NUTM2B: variants seen among roughly 807,000 people sequenced by gnomAD.
The protein encoded by NUTM2B is NUT family member 2B, also known as family with sequence similarity 22, member B.
A neutral mutation model predicts 42.4 loss-of-function variants in NUTM2B; 2 were observed. That is an observed-to-expected ratio of 0.05 (90% confidence interval 0.02 to 0.15). The LOEUF is 0.15. Among genes scored for constraint, NUTM2B ranks in the 10% least tolerant of loss-of-function variants. NUTM2B has a pLI of 1.00. For synonymous variants in NUTM2B, 18 were observed against 402.4 expected (o/e 0.04, Z 11.43); for missense variants, 58 against 952.6 (o/e 0.06, Z 12.36).
the NUTM2B span, among the ~76,000 whole-genome samples, chr10:79,697,603 G>A: frequency 9.4e-3 from 1,425 of 151,950 alleles, 1 homozygote; most frequent in African/African-American, 0.033. Flanking sequence ...TTGCACTGAA[G>A]GCTGGGACTC....
At chr10:79,699,692 C>T (rs1012575830), upstream of NUTM2B, among the ~76,000 whole-genome samples, 4 of 152,190 alleles carry the variant, frequency 2.6e-5, no homozygotes, top group African/African-American at 7.2e-5. Flanking sequence ...ATCCATCTGC[C>T]TCGGCCTCTC....
the NUTM2B span, among the ~76,000 whole-genome samples, chr10:79,698,160 C>T: frequency 5.3e-5 from 6 of 112,822 alleles, no homozygotes; most frequent in African/African-American, 1.7e-4. Context: ...AAAACCCATA[C>T]AATACAAAAA....
upstream of NUTM2B, among the ~76,000 whole-genome samples, chr10:79,700,711 G>C (rs938352925): frequency 1.3e-5 from 2 of 152,082 alleles, no homozygotes; most frequent in African/African-American, 2.4e-5. Flanking sequence ...CTTTGCTCTC[G>C]TGCTGCGCGT....
chr10:79,695,991 C>G, the NUTM2B span, among the ~76,000 whole-genome samples: 2 of 148,440 alleles, frequency 1.3e-5, no homozygotes, highest in East Asian at 4.4e-4. Context: ...AGGAGTAACA[C>G]AGTGATGCAG....
At chr10:79,709,836 T>A in exon 4 of NUTM2B, 1 of 1,020,996 alleles carries the variant, frequency 9.8e-7, no homozygotes, top group Non-Finnish European at 1.3e-6. Context: ...AGATGCAGAT[T>A]CAGAAATCGC....
At chr10:79,692,461 G>T in the NUTM2B span, among the ~76,000 whole-genome samples, 1 of 152,162 alleles carries the variant, frequency 6.6e-6, no homozygotes, top group Admixed American at 6.5e-5. Flanking sequence ...CAGCAGTCTG[G>T]CTCCAGAGCC....
chr10:79,696,527 C>G, the NUTM2B span, among the ~76,000 whole-genome samples: 3 of 151,460 alleles, frequency 2.0e-5, no homozygotes, highest in Admixed American at 6.6e-5. Context: ...GATAGGGTGG[C>G]CATAGCCTCC....
intron 2 of NUTM2B, among the ~76,000 whole-genome samples, 158 bp from the exon 3 acceptor site, chr10:79,708,538 TGGG>T (rs1840430816): frequency 7.3e-6 from 1 of 136,144 alleles, no homozygotes; most frequent in Non-Finnish European, 1.6e-5. Context: ...TGTTTGATCT[TGGG>T]GTTGTGTTCT....
chr10:79,700,900 T>G (rs1178961785), upstream of NUTM2B, among the ~76,000 whole-genome samples: 4 of 152,160 alleles, frequency 2.6e-5, no homozygotes, highest in South Asian at 2.1e-4. Flanking sequence ...GGGTGCTTCC[T>G]GGGGCCAGAC....
chr10:79,700,960 C>T (rs1481658844), upstream of NUTM2B, among the ~76,000 whole-genome samples: 1 of 152,190 alleles, frequency 6.6e-6, no homozygotes, highest in African/African-American at 2.4e-5. Context: ...GAAACCAGCG[C>T]GTCCGCAACG....
chr10:79,693,853 GA>G, the NUTM2B span, among the ~76,000 whole-genome samples: 6 of 152,306 alleles, frequency 3.9e-5, no homozygotes, highest in Admixed American at 3.9e-4. Context: ...GTACCACAGG[GA>G]AGTGGCTATC....
At chr10:79,705,545 GA>G (rs1387739637) in intron 1 of NUTM2B, among the ~76,000 whole-genome samples, 46 of 151,414 alleles carry the variant, frequency 3.0e-4, no homozygotes, top group African/African-American at 1.1e-3. Flanking sequence ...TCTGAGCTGG[GA>G]AAGAAAGGGG....
upstream of NUTM2B, among the ~76,000 whole-genome samples, chr10:79,698,933 T>C (rs1045778860): frequency 2.0e-5 from 3 of 152,168 alleles, no homozygotes; most frequent in Non-Finnish European, 4.4e-5. Flanking sequence ...TACCTGCACA[T>C]ATGTAATCAC....
upstream of NUTM2B, among the ~76,000 whole-genome samples, chr10:79,700,759 G>A (rs1359524906): frequency 3.9e-5 from 6 of 152,248 alleles, no homozygotes; most frequent in South Asian, 2.1e-4. Context: ...CGCTGGGAGC[G>A]GTTGAGGGCG....
At chr10:79,709,566 G>A (rs1378148515) in intron 3 of NUTM2B, among the ~76,000 whole-genome samples, 3 of 130,400 alleles carry the variant, frequency 2.3e-5, no homozygotes, top group Non-Finnish European at 3.2e-5. Context: ...TCGTGGCCCT[G>A]AGTTGAGTCA....
upstream of NUTM2B, among the ~76,000 whole-genome samples, chr10:79,699,406 C>T (rs1324621442): frequency 6.6e-6 from 1 of 151,962 alleles, no homozygotes; most frequent in Non-Finnish European, 1.5e-5. Context: ...AATATAAACT[C>T]TCACTCCTAC....
chr10:79,702,289 C>T (rs1406016900), upstream of NUTM2B, among the ~76,000 whole-genome samples: 1 of 151,998 alleles, frequency 6.6e-6, no homozygotes, highest in Non-Finnish European at 1.5e-5. Flanking sequence ...CCCAGACAGT[C>T]ACTGCATGGA....
At chr10:79,699,895 C>G (rs1840281204), upstream of NUTM2B, among the ~76,000 whole-genome samples, 1 of 152,212 alleles carries the variant, frequency 6.6e-6, no homozygotes, top group Non-Finnish European at 1.5e-5. Flanking sequence ...ACCACCCGCA[C>G]AAATCTCACA....
chr10:79,694,999 C>A, the NUTM2B span, among the ~76,000 whole-genome samples: 3 of 152,186 alleles, frequency 2.0e-5, no homozygotes, highest in Non-Finnish European at 4.4e-5. Context: ...ACAACCCAGG[C>A]CGGAGCGAAT....
Sources: gnomAD v4.1 joint callset for allele counts (sites outside exome capture counted in the v4.1 genomes callset) on GRCh38, gnomAD v4.1.1 for gene constraint, MANE v1.5 for transcripts, NCBI Gene and HGNC (gene_info 2026-07-23, HGNC 2026-07-21) for gene names.